The following GHR variants were observed in gnomAD, a reference collection of about 807,000 sequenced individuals.
GHR encodes the protein growth hormone receptor, also known as GH receptor.
Under a neutral mutation model 67.1 loss-of-function variants are expected in GHR, and 35 were observed. That is an observed-to-expected ratio of 0.52 (90% CI 0.40 to 0.69). The LOEUF is 0.69. GHR is among the 30% of genes least tolerant of loss of function. The probability of loss-of-function intolerance (pLI) is 0.00; values close to 1 mark genes in which losing one functional copy is unlikely to be tolerated. For synonymous variants in GHR, 272 were observed against 269.1 expected, an observed-to-expected ratio of 1.01 and a Z score of -0.10; for missense variants, 792 against 764.6, an observed-to-expected ratio of 1.04 and a Z score of -0.42.
At chr5:42,435,009 A>T (rs149321107) in intron 1 of GHR, among the ~76,000 whole-genome samples, 6 of 152,162 alleles carry the variant, frequency 3.9e-5, no homozygotes, top group African/African-American at 1.4e-4. Context: ...AAAACAGTTG[A>T]TTATTCTTAT....
chr5:42,429,321 C>A (rs760978842), intron 1 of GHR, among the ~76,000 whole-genome samples: 1 of 152,170 alleles, frequency 6.6e-6, no homozygotes, highest in Non-Finnish European at 1.5e-5. Flanking sequence ...GGTTCAATGA[C>A]CTCCCACTGG....
At chr5:42,540,294 T>A (rs1748449419) in intron 1 of GHR, among the ~76,000 whole-genome samples, 1 of 152,024 alleles carries the variant, frequency 6.6e-6, no homozygotes, top group South Asian at 2.1e-4. Context: ...CTTTTTATAG[T>A]TATTGATTTT....
At chr5:42,459,122 A>G (rs1160392368) in intron 1 of GHR, among the ~76,000 whole-genome samples, 1 of 152,212 alleles carries the variant, frequency 6.6e-6, no homozygotes, top group Admixed American at 6.5e-5. Context: ...CTCAAAGTAG[A>G]ATTACCATTA....
intron 1 of GHR, chr5:42,514,469 G>T: frequency 9.5e-6 from 2 of 210,684 alleles, no homozygotes; most frequent in Non-Finnish European, 1.4e-5. Flanking sequence ...AATGGTTCTA[G>T]ATTTAAAAAA....
intron 1 of GHR, among the ~76,000 whole-genome samples, chr5:42,520,201 A>C (rs930432043): frequency 2.0e-5 from 3 of 152,192 alleles, no homozygotes; most frequent in African/African-American, 7.2e-5. Flanking sequence ...GAGATCAATT[A>C]GACAGTTTCT....
intron 1 of GHR, among the ~76,000 whole-genome samples, chr5:42,447,428 C>T (rs1018952198): frequency 2.0e-5 from 3 of 152,140 alleles, no homozygotes; most frequent in African/African-American, 7.2e-5. Flanking sequence ...CTTTCAGCTC[C>T]ATCCGGGTTG....
At chr5:42,666,626 A>C (rs1755994310) in intron 3 of GHR, among the ~76,000 whole-genome samples, 1 of 152,188 alleles carries the variant, frequency 6.6e-6, no homozygotes, top group South Asian at 2.1e-4. Flanking sequence ...TCAAGTGCTC[A>C]ATACCTACGA....
At chr5:42,553,687 G>C (rs773034866) in intron 1 of GHR, among the ~76,000 whole-genome samples, 1 of 152,148 alleles carries the variant, frequency 6.6e-6, no homozygotes, top group Non-Finnish European at 1.5e-5. Context: ...ACCTAGATTA[G>C]TGTTTGAATA....
intron 1 of GHR, among the ~76,000 whole-genome samples, chr5:42,447,315 T>C (rs575718307): frequency 1.3e-5 from 2 of 152,190 alleles, no homozygotes; most frequent in East Asian, 3.9e-4. Flanking sequence ...TCTCCCTGAG[T>C]TGCCAAAGTC....
intron 2 of GHR, among the ~76,000 whole-genome samples, chr5:42,598,574 T>C (rs1284563981): frequency 6.6e-6 from 1 of 152,240 alleles, no homozygotes; most frequent in African/African-American, 2.4e-5. Context: ...ATATTTATTC[T>C]GTTCCTTTCC....
At chr5:42,520,914 C>T (rs1175089266) in intron 1 of GHR, among the ~76,000 whole-genome samples, 2 of 152,136 alleles carry the variant, frequency 1.3e-5, no homozygotes, top group African/African-American at 2.4e-5. Context: ...TTCTGGTCTC[C>T]GTTGCTCTCT....
At chr5:42,642,090 C>T (rs898688670) in intron 3 of GHR, among the ~76,000 whole-genome samples, 1 of 152,118 alleles carries the variant, frequency 6.6e-6, no homozygotes, top group African/African-American at 2.4e-5. Context: ...ATGAAAAAAG[C>T]AGCCTTTTCA....
intron 3 of GHR, among the ~76,000 whole-genome samples, chr5:42,658,286 G>T (rs560192289): frequency 6.6e-6 from 1 of 152,276 alleles, no homozygotes; most frequent in South Asian, 2.1e-4. Context: ...AGAAAACTTT[G>T]AAGTGGGAAA....
chr5:42,583,569 G>T (rs1395001667), intron 2 of GHR, among the ~76,000 whole-genome samples: 1 of 152,150 alleles, frequency 6.6e-6, no homozygotes, highest in Admixed American at 6.6e-5. Context: ...GATGTCTACA[G>T]ACTACAGCTA....
At chr5:42,474,303 A>AAGAAAGAAAG (rs1554054589) in intron 1 of GHR, among the ~76,000 whole-genome samples, 1 of 135,680 alleles carries the variant, frequency 7.4e-6, no homozygotes, top group African/African-American at 2.8e-5. Context: ...AAGAGAAAGA[A>AAGAAAGAAAG]AGAAAGAAAG....
intron 3 of GHR, among the ~76,000 whole-genome samples, chr5:42,663,333 C>T (rs1254999466): frequency 6.6e-6 from 1 of 152,162 alleles, no homozygotes; most frequent in Non-Finnish European, 1.5e-5. Context: ...AACATTGATG[C>T]AAAAATCCTC....
intron 3 of GHR, among the ~76,000 whole-genome samples, chr5:42,664,994 A>T (rs1755878266): frequency 6.6e-6 from 1 of 152,284 alleles, no homozygotes; most frequent in Non-Finnish European, 1.5e-5. Context: ...ACATGAAAAA[A>T]TGCTCACCAT....
intron 8 of GHR, among the ~76,000 whole-genome samples, chr5:42,716,523 T>C (rs1319441790): frequency 3.9e-5 from 6 of 152,136 alleles, no homozygotes; most frequent in Non-Finnish European, 8.8e-5. Flanking sequence ...TGTGTTCTCA[T>C]AAAATTTTAT....
intron 2 of GHR, among the ~76,000 whole-genome samples, chr5:42,607,109 C>T (rs991603373): frequency 3.3e-5 from 5 of 152,166 alleles, no homozygotes; most frequent in African/African-American, 1.2e-4. Flanking sequence ...CTTTCCCTCT[C>T]TCCTGCCACC....
Sources: gnomAD v4.1 joint callset for allele counts (sites outside exome capture counted in the v4.1 genomes callset) on GRCh38, gnomAD v4.1.1 for gene constraint, MANE v1.5 for transcripts, NCBI Gene and HGNC (gene_info 2026-07-23, HGNC 2026-07-21) for gene names.